The following MTHFD2L variants were observed in gnomAD, a reference collection of about 807,000 sequenced individuals.
MTHFD2L encodes the protein methylenetetrahydrofolate dehydrogenase (NADP+ dependent) 2 like, also known as bifunctional methylenetetrahydrofolate dehydrogenase/cyclohydrolase 2, mitochondrial.
MTHFD2L carries 29 observed loss-of-function variants against 34.9 expected under a neutral mutation model. The observed-to-expected ratio is 0.83, with a 90% confidence interval of 0.62 to 1.13. The LOEUF is 1.13. MTHFD2L is among the 50% of genes most tolerant of loss of function. The probability of loss-of-function intolerance (pLI) is 0.00; values close to 1 mark genes in which losing one functional copy is unlikely to be tolerated. For missense variants in MTHFD2L, 481 were observed against 446.5 expected (o/e 1.08, Z -0.70); for synonymous variants, 167 against 155.7 (o/e 1.07, Z -0.54).
At chr4:74,121,950 CAAACCTGTTG>C (rs1005766904), upstream of MTHFD2L, among the ~76,000 whole-genome samples, 10 of 151,964 alleles carry the variant, frequency 6.6e-5, no homozygotes, top group African/African-American at 2.4e-4. Context: ...AGAAAAATAT[CAAACCTGTTG>C]AAACCTTGAT....
chr4:74,185,345 C>T (rs933125684), intron 3 of MTHFD2L, among the ~76,000 whole-genome samples: 2 of 151,558 alleles, frequency 1.3e-5, no homozygotes, highest in Non-Finnish European at 2.9e-5. Context: ...AAGGGAAATA[C>T]ACAGCACTAA....
chr4:74,181,871 A>G (rs531418183), intron 3 of MTHFD2L: 1 of 152,282 alleles, frequency 6.6e-6, no homozygotes, highest in South Asian at 2.1e-4. Flanking sequence ...AAAGGTGGAT[A>G]TCGACCTAAC....
chr4:74,187,733 T>TACACAC lies in MTHFD2L; in HGVS notation c.452-12028_452-12023dup, dbSNP rs35175417. ...TTTGGCAGTATCTTAAAACGTTAAA[T>TACACAC]ACACACACACACACACACACACACA... On this transcript the variant is annotated intron_variant, in intron 3 of 7. Transcript: ENST00000325278. Among the ~76,000 whole-genome samples, 208 of 134,290 alleles carry TACACAC rather than the reference T, an allele frequency of 1.5e-3. 1 individual carries two copies. The highest frequency in any genetic ancestry group is 4.7e-3 in the African/African-American group (164 of 34,686). The allele number at this position is 134,290 out of a possible 152,430, so 88.1% of individuals were successfully genotyped here. A position where few individuals can be genotyped will look rare whatever the true frequency, so the allele number is the denominator to read the frequency against.
chr4:74,302,442 T>C lies in MTHFD2L; in HGVS notation c.*633T>C, dbSNP rs1169398923. 6.6e-6 allele frequency: 1 copy of C among 152,044 alleles called. No homozygotes were observed. The highest frequency in any genetic ancestry group is 2.4e-5 in the African/African-American group (1 of 41,420). 9.4% of individuals were successfully genotyped at this position (152,044 alleles called of 1,614,324 possible). On this transcript the variant is annotated 3_prime_UTR_variant, in exon 8 of 8. Transcript: ENST00000325278. ...CAAAAAATGCAGTGCTGTTTGGAAG[T>C]GTAATGATTTTATCACATGGTGAAT...
At chr4:74,237,987 C>T (rs1456126833) in intron 6 of MTHFD2L, among the ~76,000 whole-genome samples, 1 of 152,130 alleles carries the variant, frequency 6.6e-6, no homozygotes, top group Non-Finnish European at 1.5e-5. Context: ...CATGGTGTTA[C>T]TGAATGTCTG....
intron 6 of MTHFD2L, chr4:74,267,877 C>CT: frequency 1.0e-6 from 1 of 985,296 alleles, no homozygotes; most frequent in African/African-American, 1.7e-5. Flanking sequence ...TTCCAAAGCC[C>CT]TAGACGATCC....
intron 5 of MTHFD2L, among the ~76,000 whole-genome samples, chr4:74,215,875 G>A (rs1439963016): frequency 6.6e-6 from 1 of 151,508 alleles, no homozygotes; most frequent in Non-Finnish European, 1.5e-5. Flanking sequence ...ATATAATGGT[G>A]CTGAATGTAC....
chr4:74,285,830 A>T (rs1179455727), intron 7 of MTHFD2L, among the ~76,000 whole-genome samples: 1 of 152,132 alleles, frequency 6.6e-6, no homozygotes, highest in East Asian at 1.9e-4. Flanking sequence ...GAAATTAGTG[A>T]TCATATAGTT....
chr4:74,211,380 G>A (rs982886266), intron 5 of MTHFD2L, among the ~76,000 whole-genome samples: 1 of 152,162 alleles, frequency 6.6e-6, no homozygotes, highest in Non-Finnish European at 1.5e-5. Flanking sequence ...TTTATTGAGA[G>A]TGTTTAGTAT....
intron 1 of MTHFD2L, among the ~76,000 whole-genome samples, chr4:74,159,025 G>A (rs1724826816): frequency 6.6e-6 from 1 of 152,138 alleles, no homozygotes; most frequent in Admixed American, 6.5e-5. Context: ...CCAGAAATGC[G>A]CTTTCATTGC....
chr4:74,185,421 A>G (rs951958892), intron 3 of MTHFD2L, among the ~76,000 whole-genome samples: 6 of 152,072 alleles, frequency 3.9e-5, no homozygotes, highest in Admixed American at 1.3e-4. Flanking sequence ...TTAAGATGGT[A>G]GGAACATCAG....
chr4:74,262,726 T>C (rs748259045), intron 6 of MTHFD2L, among the ~76,000 whole-genome samples: 14 of 151,942 alleles, frequency 9.2e-5, no homozygotes, highest in Non-Finnish European at 1.8e-4. Context: ...TGATATCAAA[T>C]GTTGGCAAGG....
chr4:74,249,492 A>G (rs1035354301), intron 6 of MTHFD2L, among the ~76,000 whole-genome samples: 14 of 151,714 alleles, frequency 9.2e-5, no homozygotes, highest in Non-Finnish European at 1.9e-4. Flanking sequence ...TTTAAAGTTA[A>G]TATTGTTATG....
rs980773300 is a variant in MTHFD2L at position 74,302,689 on chromosome 4, C to G, written c.*880C>G. On this transcript the variant is annotated 3_prime_UTR_variant, in exon 8 of 8. Coordinates refer to ENST00000325278, the MANE Select transcript of MTHFD2L (RefSeq NM_001144978.3). ...GTATGAATGAGGTCATATTAAAGAACAGCAACTGTTAATGTTTGTTCACAA... is the reference window on the plus strand; with the variant it reads ...GTATGAATGAGGTCATATTAAAGAAGAGCAACTGTTAATGTTTGTTCACAA... 75 of 152,048 alleles carry G rather than the reference C, an allele frequency of 4.9e-4. No individual in the cohort carries two copies. Among genetic ancestry groups the G allele is most frequent in the Non-Finnish European group, 2.6e-4 (18 of 67,966 alleles). 9.4% of individuals were successfully genotyped at this position (152,048 alleles called of 1,614,324 possible).
At chr4:74,133,891 C>A (rs1722724689) in intron 1 of MTHFD2L, among the ~76,000 whole-genome samples, 2 of 152,076 alleles carry the variant, frequency 1.3e-5, no homozygotes, top group African/African-American at 4.8e-5. Flanking sequence ...AGATCTTCAC[C>A]AGCAGCAACC....
chr4:74,231,565 A>T (rs1021306799), intron 6 of MTHFD2L, among the ~76,000 whole-genome samples: 1 of 151,912 alleles, frequency 6.6e-6, no homozygotes, highest in African/African-American at 2.4e-5. Flanking sequence ...CTGCTACTCC[A>T]CTTAAGGGTT....
chr4:74,242,899 G>T (rs1578590014), intron 6 of MTHFD2L, among the ~76,000 whole-genome samples: 1 of 152,172 alleles, frequency 6.6e-6, no homozygotes, highest in African/African-American at 2.4e-5. Flanking sequence ...TTTACAAAAA[G>T]TTTGCCAAGT....
upstream of MTHFD2L, among the ~76,000 whole-genome samples, chr4:74,122,832 A>G (rs1229112133): frequency 6.6e-6 from 1 of 152,214 alleles, no homozygotes. Context: ...TAGATTAGGT[A>G]TTAGCATTAC....
chr4:74,250,508 C>A (rs760628121), intron 6 of MTHFD2L, among the ~76,000 whole-genome samples: 7 of 152,196 alleles, frequency 4.6e-5, no homozygotes, highest in Non-Finnish European at 8.8e-5. Context: ...TTATCCCTCA[C>A]ACCTACTATA....
Sources: gnomAD v4.1 joint callset for allele counts (sites outside exome capture counted in the v4.1 genomes callset) on GRCh38, gnomAD v4.1.1 for gene constraint, MANE v1.5 for transcripts, NCBI Gene and HGNC (gene_info 2026-07-23, HGNC 2026-07-21) for gene names.